DCC: variants seen among roughly 807,000 people sequenced by gnomAD.
The protein encoded by DCC is netrin receptor DCC.
In DCC, 58 loss-of-function variants were observed where a neutral mutation model predicts 172.5. The observed-to-expected ratio is 0.34, with a 90% CI of 0.27 to 0.42. DCC has a LOEUF of 0.42. Ranked by LOEUF, DCC falls within the 10% of genes least tolerant of loss-of-function variation. The pLI, the probability that DCC is intolerant of heterozygous loss-of-function variation, is 1.00. For synonymous variants in DCC, 709 were observed against 644.5 expected, an observed-to-expected ratio of 1.10 and a Z score of -1.52; for missense variants, 1,740 against 1,791.0, an observed-to-expected ratio of 0.97 and a Z score of 0.51.
chr18:52,450,621 A>G (rs553493621), intron 1 of DCC, among the ~76,000 whole-genome samples: 2 of 152,202 alleles, frequency 1.3e-5, no homozygotes, highest in Non-Finnish European at 1.5e-5. Context: ...TCCAAATTAC[A>G]TATGATTACT....
At chr18:52,635,413 T>C (rs1306314833) in intron 1 of DCC, among the ~76,000 whole-genome samples, 1 of 152,208 alleles carries the variant, frequency 6.6e-6, no homozygotes, top group Admixed American at 6.5e-5. Context: ...CCCAAAGGCA[T>C]CATATTTGAA....
intron 1 of DCC, among the ~76,000 whole-genome samples, chr18:52,471,026 G>A (rs1342519106): frequency 6.6e-6 from 1 of 152,154 alleles, no homozygotes; most frequent in African/African-American, 2.4e-5. Flanking sequence ...GTGAGTTCTA[G>A]TCTAATAACT....
intron 26 of DCC, among the ~76,000 whole-genome samples, chr18:53,495,387 C>CA (rs2046007988): frequency 2.3e-5 from 1 of 43,954 alleles, no homozygotes; most frequent in South Asian, 7.6e-4. Context: ...AAGACTCCAT[C>CA]TCAAAAAAAA....
chr18:53,518,450 A>T lies in DCC; in HGVS notation c.4112-8167A>T, dbSNP rs571551144. Among the ~76,000 whole-genome samples the T allele has an allele frequency of 2.0e-5, 3 of 152,238 alleles. No homozygotes were observed. In the South Asian group the frequency reaches 6.2e-4, roughly 31 times the overall value. On this transcript the variant is annotated intron_variant, in intron 27 of 28. Coordinates refer to ENST00000442544, the MANE Select transcript of DCC (RefSeq NM_005215.4). ...ACATGGGAAAACCTTCTGCAGAGAG[A>T]TGCTAGCAGGAGTCTGCACCTGGCA... is the stretch of plus-strand genomic sequence containing the variant.
At chr18:53,285,957 T>C (rs1046772275) in intron 12 of DCC, among the ~76,000 whole-genome samples, 2 of 151,884 alleles carry the variant, frequency 1.3e-5, no homozygotes, top group African/African-American at 2.4e-5. Context: ...TTTTGGCCAA[T>C]TGCTCCCATT....
chr18:52,531,097 T>C (rs2032135623), intron 1 of DCC, among the ~76,000 whole-genome samples: 2 of 152,158 alleles, frequency 1.3e-5, no homozygotes, highest in Non-Finnish European at 2.9e-5. Flanking sequence ...CATTCACACA[T>C]CTACTCTGAA....
chr18:53,092,658 A>G (rs938863364), intron 7 of DCC, among the ~76,000 whole-genome samples: 2 of 152,198 alleles, frequency 1.3e-5, no homozygotes, highest in South Asian at 4.1e-4. Context: ...AAAGCATTTT[A>G]GATGTGGAGT....
intron 7 of DCC, among the ~76,000 whole-genome samples, chr18:53,066,585 T>C: frequency 6.6e-6 from 1 of 151,110 alleles, no homozygotes; most frequent in East Asian, 1.9e-4. Flanking sequence ...ATATAATATA[T>C]ACCTTGCATA....
intron 1 of DCC, among the ~76,000 whole-genome samples, chr18:52,692,268 A>G (rs2035940327): frequency 6.6e-6 from 1 of 152,064 alleles, no homozygotes; most frequent in Admixed American, 6.6e-5. Flanking sequence ...TTTGCCAAGT[A>G]TTTTACTTTT....
intron 1 of DCC, among the ~76,000 whole-genome samples, chr18:52,414,163 C>T (rs1345222547): frequency 1.3e-5 from 2 of 152,100 alleles, no homozygotes; most frequent in Non-Finnish European, 2.9e-5. Flanking sequence ...TCACTGCAAC[C>T]TCCACCTCCT....
intron 1 of DCC, among the ~76,000 whole-genome samples, chr18:52,390,050 T>A (rs1290422348): frequency 1.3e-5 from 2 of 152,020 alleles, no homozygotes; most frequent in East Asian, 3.9e-4. Context: ...AAGGTGGGAT[T>A]TGGGGAGAGG....
chr18:53,155,124 C>T (rs2054709182), intron 7 of DCC, among the ~76,000 whole-genome samples: 1 of 150,680 alleles, frequency 6.6e-6, no homozygotes, highest in East Asian at 1.9e-4. Flanking sequence ...TTCTTTAAAA[C>T]CTCTATTTCT....
At chr18:53,128,870 C>CATATATATATATATATATATATAT (rs367907467) in intron 7 of DCC, among the ~76,000 whole-genome samples, 1 of 77,480 alleles carries the variant, frequency 1.3e-5, no homozygotes, top group African/African-American at 6.3e-5. Flanking sequence ...CACACACACA[C>CATATATATATATATATATATATAT]ATATATATAT....
At chr18:53,084,253 T>A (rs2042847754) in intron 7 of DCC, among the ~76,000 whole-genome samples, 1 of 152,132 alleles carries the variant, frequency 6.6e-6, no homozygotes, top group South Asian at 2.1e-4. Flanking sequence ...GCCACCAGCC[T>A]TACTCCTATA....
chr18:52,700,156 A>T (rs36148020), intron 1 of DCC, among the ~76,000 whole-genome samples: 2 of 151,264 alleles, frequency 1.3e-5, no homozygotes, highest in African/African-American at 4.9e-5. Flanking sequence ...CCACACACAC[A>T]CACATGCACA....
chr18:53,511,945 G>C (rs550780839), intron 27 of DCC, among the ~76,000 whole-genome samples: 2 of 152,214 alleles, frequency 1.3e-5, no homozygotes, highest in African/African-American at 2.4e-5. Context: ...CAGGAAGCTC[G>C]AACTGGGTGG....
chr18:52,850,178 G>A (rs1181279477), intron 2 of DCC, among the ~76,000 whole-genome samples: 1 of 152,052 alleles, frequency 6.6e-6, no homozygotes, highest in African/African-American at 2.4e-5. Flanking sequence ...ATGTGCCCAA[G>A]GGCAGAGCTT....
chr18:52,781,411 C>T (rs1361465551), intron 2 of DCC, among the ~76,000 whole-genome samples: 1 of 5,398 alleles, frequency 1.9e-4, no homozygotes, highest in Admixed American at 3.9e-3. Context: ...AAACTGCTAT[C>T]TGAGCTTGAT....
At chr18:53,406,782 A>C (rs1373308820) in intron 19 of DCC, among the ~76,000 whole-genome samples, 1 of 152,004 alleles carries the variant, frequency 6.6e-6, no homozygotes, top group Non-Finnish European at 1.5e-5. Context: ...ACATTTGTTC[A>C]ACCTGTGTGG....
Sources: gnomAD v4.1 joint callset for allele counts (sites outside exome capture counted in the v4.1 genomes callset) on GRCh38, gnomAD v4.1.1 for gene constraint, MANE v1.5 for transcripts, NCBI Gene and HGNC (gene_info 2026-07-23, HGNC 2026-07-21) for gene names.